CYSTM1: variants seen among roughly 807,000 people sequenced by gnomAD.
CYSTM1 encodes cysteine rich transmembrane module containing 1.
A neutral mutation model predicts 13.1 loss-of-function variants in CYSTM1; 4 were observed. The ratio of observed to expected loss-of-function variants is 0.31; its 90% confidence interval spans 0.15 to 0.70. CYSTM1 has a LOEUF of 0.70. CYSTM1 is among the 30% of genes least tolerant of loss of function. CYSTM1 has a pLI of 0.72. For missense variants in CYSTM1, 96 were observed against 121.6 expected, an observed-to-expected ratio of 0.79 and a Z score of 0.99; for synonymous variants, 36 against 42.7, an observed-to-expected ratio of 0.84 and a Z score of 0.62.
intron 1 of CYSTM1, among the ~76,000 whole-genome samples, chr5:140,189,498 C>T (rs1278995526): frequency 6.6e-6 from 1 of 152,166 alleles, no homozygotes; most frequent in African/African-American, 2.4e-5. Context: ...TGCCCAGCCT[C>T]AGTTAGTCCT....
intron 2 of CYSTM1, among the ~76,000 whole-genome samples, chr5:140,203,418 C>T (rs571153175): frequency 6.6e-6 from 1 of 152,272 alleles, no homozygotes; most frequent in East Asian, 1.9e-4. Flanking sequence ...AACATGAAGT[C>T]TATCTAGCCT....
chr5:140,232,119 T>C (rs2126670943), intron 2 of CYSTM1, among the ~76,000 whole-genome samples: 1 of 152,302 alleles, frequency 6.6e-6, no homozygotes, highest in Non-Finnish European at 1.5e-5. Flanking sequence ...ACTTCTGGGT[T>C]TCTGACTGGA....
chr5:140,193,554 G>A (rs954541258), intron 1 of CYSTM1, among the ~76,000 whole-genome samples: 2 of 152,218 alleles, frequency 1.3e-5, no homozygotes, highest in African/African-American at 4.8e-5. Flanking sequence ...TGGGATTACA[G>A]GCATGAGCCA....
intron 2 of CYSTM1, among the ~76,000 whole-genome samples, chr5:140,232,162 T>C (rs1253685829): frequency 2.0e-5 from 3 of 152,128 alleles, no homozygotes; most frequent in African/African-American, 7.2e-5. Flanking sequence ...TTACAGAGGT[T>C]GGGAACAAGA....
At chr5:140,214,932 GTA>G (rs1415109292) in intron 2 of CYSTM1, among the ~76,000 whole-genome samples, 4 of 152,186 alleles carry the variant, frequency 2.6e-5, no homozygotes, top group Non-Finnish European at 5.9e-5. Context: ...ATTCTTCCCA[GTA>G]GTAATGAGCC....
At chr5:140,188,756 G>A (rs1440982798) in intron 1 of CYSTM1, among the ~76,000 whole-genome samples, 1 of 145,216 alleles carries the variant, frequency 6.9e-6, no homozygotes, top group Non-Finnish European at 1.5e-5. Context: ...TCCCACCTGG[G>A]TGGAAGAGCG....
At chr5:140,185,344 T>C (rs1764003355) in intron 1 of CYSTM1, among the ~76,000 whole-genome samples, 1 of 152,216 alleles carries the variant, frequency 6.6e-6, no homozygotes, top group African/African-American at 2.4e-5. Context: ...AGCCAAAATG[T>C]TGATACAAAA....
chr5:140,220,499 A>T (rs1764477134), intron 2 of CYSTM1, among the ~76,000 whole-genome samples: 1 of 152,144 alleles, frequency 6.6e-6, no homozygotes, highest in South Asian at 2.1e-4. Context: ...AATTGTGTTT[A>T]TAATTGGTCT....
intron 2 of CYSTM1, among the ~76,000 whole-genome samples, chr5:140,222,384 C>T (rs1764502301): frequency 1.3e-5 from 2 of 152,360 alleles, no homozygotes; most frequent in East Asian, 1.9e-4. Context: ...TAAGGACACA[C>T]TTGGGTGATA....
chr5:140,220,592 G>A (rs1764477674), intron 2 of CYSTM1, among the ~76,000 whole-genome samples: 1 of 152,118 alleles, frequency 6.6e-6, no homozygotes, highest in African/African-American at 2.4e-5. Flanking sequence ...GCCTGAGTCA[G>A]GGATGATGTC....
intron 2 of CYSTM1, chr5:140,200,123 A>G (rs922602472): frequency 6.6e-6 from 1 of 152,092 alleles, no homozygotes; most frequent in Non-Finnish European, 1.5e-5. Context: ...TCTTTAGTTT[A>G]ATTAGATCCC....
chr5:140,212,623 C>T (rs1764381414), intron 2 of CYSTM1, among the ~76,000 whole-genome samples: 1 of 151,998 alleles, frequency 6.6e-6, no homozygotes, highest in South Asian at 2.1e-4. Flanking sequence ...TGTGAGCCAC[C>T]ATGCCCGGTC....
rs974810270 is a variant in CYSTM1, at chr5:140,239,222, A to C, written c.188-4083A>C. 2.0e-5 allele frequency among the ~76,000 whole-genome samples: 3 copies of C among 152,188 alleles called. No individual in the cohort carries two copies. Among genetic ancestry groups the C allele is most frequent in the Non-Finnish European group, 2.9e-5 (2 of 68,042 alleles). On this transcript the variant is annotated intron_variant, in intron 2 of 2. Coordinates refer to ENST00000261811, the MANE Select transcript of CYSTM1 (RefSeq NM_032412.4). This position sits in a 1 kb window ranked among gnomAD's most constrained non-coding sequence, Gnocchi z 5.4. ...TGCAGATGAAGGTTTCAGATGCCAG[A>C]ATGGGGCTGAGAATTGGAGCCTTCA...
At chr5:140,177,956 G>A (rs1763912170) in intron 1 of CYSTM1, among the ~76,000 whole-genome samples, 1 of 152,158 alleles carries the variant, frequency 6.6e-6, no homozygotes, top group Non-Finnish European at 1.5e-5. Flanking sequence ...AGTTAAGTAG[G>A]CCAAAAGTTT....
At chr5:140,218,146 CT>C (rs749783086) in intron 2 of CYSTM1, among the ~76,000 whole-genome samples, 13 of 152,256 alleles carry the variant, frequency 8.5e-5, no homozygotes, top group Non-Finnish European at 1.8e-4. Flanking sequence ...GGCAGTACCC[CT>C]GGCCCTCCTG....
chr5:140,213,217 G>A (rs533850895), intron 2 of CYSTM1, among the ~76,000 whole-genome samples: 3 of 151,256 alleles, frequency 2.0e-5, no homozygotes, highest in East Asian at 1.9e-4. Context: ...TTCTGTAGAC[G>A]TAGGCTAATG....
chr5:140,235,351 C>T lies in CYSTM1; in HGVS notation c.188-7954C>T, dbSNP rs149414960. Among the ~76,000 whole-genome samples, 110 of 152,150 alleles carry T rather than the reference C, an allele frequency of 7.2e-4. No homozygotes were observed. In the Middle Eastern group the frequency reaches 0.02, roughly 28 times the overall value. ...TCATGATATAATGAACTGCTTCCTC[C>T]TCCTACTGTAGTAATGTCACCCATG... On this transcript the variant is annotated intron_variant, in intron 2 of 2. Coordinates refer to ENST00000261811, the MANE Select transcript of CYSTM1 (RefSeq NM_032412.4).
intron 1 of CYSTM1, among the ~76,000 whole-genome samples, chr5:140,194,099 A>G (rs1764124040): frequency 1.3e-5 from 2 of 152,238 alleles, no homozygotes; most frequent in Admixed American, 1.3e-4. Flanking sequence ...CAGAGGAATT[A>G]AAAAACAAAA....
intron 2 of CYSTM1, among the ~76,000 whole-genome samples, chr5:140,207,762 G>T (rs1330357078): frequency 6.6e-6 from 1 of 152,054 alleles, no homozygotes; most frequent in Non-Finnish European, 1.5e-5. Flanking sequence ...GTGTGGCTTG[G>T]GAAATTCTTT....
Sources: allele counts gnomAD v4.1 joint callset (sites outside exome capture counted in the v4.1 genomes callset), GRCh38; gene constraint gnomAD v4.1.1; non-coding constraint Gnocchi (gnomAD v3.1); transcripts MANE v1.5; gene names NCBI Gene and HGNC (gene_info 2026-07-23, HGNC 2026-07-21).